Variants in LRRC4C observed in about 807,000 individuals in gnomAD.
The protein encoded by LRRC4C is leucine rich repeat containing 4C, also known as leucine-rich repeat-containing protein 4C.
LRRC4C carries 5 observed loss-of-function variants against 33.6 expected under a neutral mutation model. That is an observed-to-expected ratio of 0.15 (90% confidence interval 0.08 to 0.31). The LOEUF (loss-of-function observed/expected upper bound fraction) is 0.31, where lower values mean the gene tolerates loss of function less well. Among genes scored for constraint, LRRC4C ranks in the 10% least tolerant of loss-of-function variants. LRRC4C has a pLI of 1.00. For missense variants in LRRC4C, 560 were observed against 796.7 expected (o/e 0.70, Z 3.58); for synonymous variants, 329 against 302.0 (o/e 1.09, Z -0.93).
chr11:40,539,756 C>T (rs1416000075), intron 3 of LRRC4C, among the ~76,000 whole-genome samples: 3 of 151,996 alleles, frequency 2.0e-5, no homozygotes, highest in Non-Finnish European at 4.4e-5. Flanking sequence ...AATAAACAAA[C>T]CTCATATAAT....
chr11:40,334,595 T>C (rs1261600249), intron 3 of LRRC4C, among the ~76,000 whole-genome samples: 2 of 152,188 alleles, frequency 1.3e-5, no homozygotes, highest in Non-Finnish European at 2.9e-5. Flanking sequence ...CTAAGCACAT[T>C]AATGAACAAA....
At chr11:41,223,639 G>A (rs1947402558) in intron 1 of LRRC4C, among the ~76,000 whole-genome samples, 1 of 152,158 alleles carries the variant, frequency 6.6e-6, no homozygotes, top group Admixed American at 6.5e-5. Context: ...CTTTCTGCCT[G>A]CAGATTGCCT....
At chr11:40,770,452 A>T (rs757672762) in intron 2 of LRRC4C, among the ~76,000 whole-genome samples, 3 of 152,186 alleles carry the variant, frequency 2.0e-5, no homozygotes, top group Non-Finnish European at 1.5e-5. Flanking sequence ...TGAGATTTTG[A>T]TGGGGATGCA....
chr11:41,319,542 G>C (rs1245500667), intron 1 of LRRC4C, among the ~76,000 whole-genome samples: 2 of 152,064 alleles, frequency 1.3e-5, no homozygotes, highest in Non-Finnish European at 2.9e-5. Context: ...TTGTTTGTCT[G>C]TCTTTTTATT....
At chr11:40,720,203 C>T (rs933991871) in intron 2 of LRRC4C, among the ~76,000 whole-genome samples, 4 of 152,162 alleles carry the variant, frequency 2.6e-5, no homozygotes, top group Non-Finnish European at 5.9e-5. Context: ...AAAGATCACA[C>T]ATATGAATTA....
chr11:40,246,495 A>G (rs1426151998), intron 4 of LRRC4C, among the ~76,000 whole-genome samples: 3 of 152,204 alleles, frequency 2.0e-5, no homozygotes, highest in African/African-American at 7.2e-5. Flanking sequence ...CATACATGAT[A>G]GATTCATTCT....
At chr11:40,326,627 A>T (rs1946118243) in intron 3 of LRRC4C, among the ~76,000 whole-genome samples, 1 of 152,190 alleles carries the variant, frequency 6.6e-6, no homozygotes, top group South Asian at 2.1e-4. Flanking sequence ...TCAGCTTGCA[A>T]TACTTAACCT....
At chr11:40,523,303 A>G (rs1263461491) in intron 3 of LRRC4C, among the ~76,000 whole-genome samples, 1 of 151,858 alleles carries the variant, frequency 6.6e-6, no homozygotes, top group Non-Finnish European at 1.5e-5. Flanking sequence ...ATTTTTTTGT[A>G]TACTTATTGG....
At position 40,185,849 on chromosome 11, in the gene LRRC4C, C is replaced by T. The variant is rs114736301; in HGVS notation, c.-95-44996G>A. ...CCCTGGACGTCTCAGAAAGATGCAA[C>T]GTCCAGGACCCTGGAATGTTCTTCC... On this transcript the variant is annotated intron_variant, in intron 5 of 6. Coordinates refer to ENST00000528697, the MANE Select transcript of LRRC4C (RefSeq NM_001258419.2). Among the ~76,000 whole-genome samples, 698 of 152,156 alleles carry T rather than the reference C, an allele frequency of 4.6e-3. 6 individuals carry two copies. Among genetic ancestry groups the T allele is most frequent in the African/African-American group, 0.016 (671 of 41,522 alleles).
chr11:41,388,900 A>G (rs1953468755), intron 1 of LRRC4C, among the ~76,000 whole-genome samples: 1 of 151,798 alleles, frequency 6.6e-6, no homozygotes, highest in African/African-American at 2.4e-5. Flanking sequence ...GATTAATTTA[A>G]CAAGAAATTT....
At chr11:41,103,279 TG>T (rs1210523969) in intron 1 of LRRC4C, among the ~76,000 whole-genome samples, 2 of 151,910 alleles carry the variant, frequency 1.3e-5, no homozygotes, top group Non-Finnish European at 2.9e-5. Context: ...TCTTTGAAAA[TG>T]TGGAAATTGT....
chr11:40,896,864 C>T (rs925267079), intron 2 of LRRC4C, among the ~76,000 whole-genome samples: 1 of 152,096 alleles, frequency 6.6e-6, no homozygotes, highest in African/African-American at 2.4e-5. Context: ...AAGCATGCCA[C>T]CTCACTTCAC....
intron 3 of LRRC4C, among the ~76,000 whole-genome samples, chr11:40,596,242 C>A (rs1959278360): frequency 6.6e-6 from 1 of 152,096 alleles, no homozygotes; most frequent in African/African-American, 2.4e-5. Flanking sequence ...ACTATTCCAG[C>A]AAGAGAGAAA....
At chr11:41,237,161 C>A (rs1018570510) in intron 1 of LRRC4C, among the ~76,000 whole-genome samples, 1 of 152,122 alleles carries the variant, frequency 6.6e-6, no homozygotes. Context: ...GAAATAGAAT[C>A]AAAGAGATCA....
chr11:41,215,474 T>C (rs1276396968), intron 1 of LRRC4C, among the ~76,000 whole-genome samples: 2 of 130,838 alleles, frequency 1.5e-5, no homozygotes, highest in African/African-American at 6.1e-5. Flanking sequence ...GGTGACAGAG[T>C]GCAATTCCAT....
chr11:40,925,754 T>G (rs1957385671), intron 2 of LRRC4C, among the ~76,000 whole-genome samples: 1 of 152,222 alleles, frequency 6.6e-6, no homozygotes, highest in Admixed American at 6.5e-5. Context: ...TATTATCATT[T>G]ACTTTATTGT....
At chr11:40,991,916 C>T (rs1363430834) in intron 1 of LRRC4C, among the ~76,000 whole-genome samples, 2 of 152,116 alleles carry the variant, frequency 1.3e-5, no homozygotes, top group African/African-American at 4.8e-5. Context: ...AACAGGCCAC[C>T]AACTGGTGCT....
chr11:40,593,717 G>A (rs1046168390), intron 3 of LRRC4C, among the ~76,000 whole-genome samples: 23 of 152,092 alleles, frequency 1.5e-4, no homozygotes, highest in African/African-American at 5.6e-4. Flanking sequence ...CAAGATAGAA[G>A]ACTAAAAAAC....
At position 40,951,548 on chromosome 11, in the gene LRRC4C, A is replaced by G. The variant is rs368395428; in HGVS notation, c.-495-17825T>C. On this transcript the variant is annotated intron_variant, in intron 1 of 6. Coordinates refer to ENST00000528697, the MANE Select transcript of LRRC4C (RefSeq NM_001258419.2). ...GCATACAGAAACTGTACAGATATCA[A>G]TTTTGTTGCCCTGAGTTACAGAAAA... is the stretch of plus-strand genomic sequence containing the variant. Among the ~76,000 whole-genome samples, 296 of 152,122 alleles carry G rather than the reference A, an allele frequency of 1.9e-3. 3 individuals are homozygous for G. In the South Asian group the frequency reaches 0.031, roughly 16 times the overall value.
Sources: allele counts gnomAD v4.1 joint callset (sites outside exome capture counted in the v4.1 genomes callset), GRCh38; gene constraint gnomAD v4.1.1; transcripts MANE v1.5; gene names NCBI Gene and HGNC (gene_info 2026-07-23, HGNC 2026-07-21).